The following PTPRD variants were observed in gnomAD, a reference collection of about 807,000 sequenced individuals.
PTPRD encodes protein tyrosine phosphatase receptor type D.
Under a neutral mutation model 214.5 loss-of-function variants are expected in PTPRD, and 34 were observed. The ratio of observed to expected loss-of-function variants is 0.16; its 90% CI spans 0.12 to 0.21. PTPRD has a LOEUF of 0.21. Ranked by LOEUF, PTPRD falls within the 10% of genes least tolerant of loss-of-function variation. The pLI, the probability that PTPRD is intolerant of heterozygous loss-of-function variation, is 1.00. For missense variants in PTPRD, 2,545 were observed against 2,398.7 expected (o/e 1.06, Z -1.27); for synonymous variants, 1,128 against 845.7 (o/e 1.33, Z -5.79).
chr9:9,608,124 T>C (rs1203415887), intron 7 of PTPRD, among the ~76,000 whole-genome samples: 9 of 152,196 alleles, frequency 5.9e-5, no homozygotes, highest in South Asian at 4.2e-4. Flanking sequence ...ATTTGAAAAA[T>C]AGAGGTAATA....
chr9:8,796,506 A>T (rs1266790928), intron 11 of PTPRD, among the ~76,000 whole-genome samples: 1 of 152,126 alleles, frequency 6.6e-6, no homozygotes, highest in Non-Finnish European at 1.5e-5. Flanking sequence ...AGTACTTGTG[A>T]CTATCAAGTA....
intron 37 of PTPRD, among the ~76,000 whole-genome samples, chr9:8,387,077 G>A (rs1184573994): frequency 6.6e-6 from 1 of 152,128 alleles, no homozygotes; most frequent in Non-Finnish European, 1.5e-5. Flanking sequence ...CTGGGTACAG[G>A]CTGAACCACC....
At chr9:8,525,116 A>ATTAT in intron 17 of PTPRD, 81 bp from the exon 18 acceptor site, 1 of 1,218,014 alleles carries the variant, frequency 8.2e-7, no homozygotes, top group Non-Finnish European at 1.2e-6. Context: ...TCTTAACAAT[A>ATTAT]TGAAAAGCCC....
At chr9:8,940,445 G>GCTTTT (rs2099025899) in intron 11 of PTPRD, among the ~76,000 whole-genome samples, 1 of 13,776 alleles carries the variant, frequency 7.3e-5, no homozygotes, top group South Asian at 5.6e-3. Flanking sequence ...ACCACTCCCA[G>GCTTTT]CTTTTTTTTT....
At chr9:9,303,772 T>C (rs1956245707) in intron 9 of PTPRD, among the ~76,000 whole-genome samples, 1 of 152,134 alleles carries the variant, frequency 6.6e-6, no homozygotes, top group African/African-American at 2.4e-5. Context: ...ATCACTTTCA[T>C]GGTCTCAGAT....
In PTPRD at chr9:10,290,342, C is replaced by A. The variant is rs532672909; in HGVS notation, c.-545+50621G>T. 5.9e-5 allele frequency among the ~76,000 whole-genome samples: 9 copies of A among 152,178 alleles called. No individual in the cohort carries two copies. In the East Asian group the frequency reaches 1.7e-3, roughly 29 times the overall value. ...ACAATCTTAAGCTGCTTCTTTTACT[C>A]TTTTTCATACTGCAACGATCTAAAG... is the stretch of plus-strand genomic sequence containing the variant. On this transcript the variant is annotated intron_variant, in intron 3 of 45. Transcript: ENST00000381196.
chr9:8,980,820 A>AG lies in PTPRD; in HGVS notation c.-104+37876_-104+37877insC, dbSNP rs1304196189. 5.6e-4 allele frequency among the ~76,000 whole-genome samples: 85 copies of AG among 152,236 alleles called. 1 individual carries two copies. The highest frequency in any genetic ancestry group is 1.9e-3 in the African/African-American group (81 of 41,570). ...GCCAATCCCTGGGGACTTACGGTGT[A>AG]CATTTATGAATCATGTAGGGCAAAG... On this transcript the variant is annotated intron_variant, in intron 11 of 45. Transcript: ENST00000381196.
intron 4 of PTPRD, among the ~76,000 whole-genome samples, chr9:9,988,011 A>G (rs1278730212): frequency 6.6e-6 from 1 of 152,158 alleles, no homozygotes. Flanking sequence ...TTCTTCTAAG[A>G]GATATCAATA....
At chr9:8,396,607 T>A (rs2091240688) in intron 36 of PTPRD, among the ~76,000 whole-genome samples, 1 of 152,162 alleles carries the variant, frequency 6.6e-6, no homozygotes, top group South Asian at 2.1e-4. Context: ...TCGATTAGCT[T>A]TCTGAGAACA....
intron 5 of PTPRD, among the ~76,000 whole-genome samples, chr9:9,836,448 C>T (rs915481116): frequency 3.9e-5 from 6 of 152,108 alleles, no homozygotes; most frequent in African/African-American, 1.4e-4. Flanking sequence ...TGCAAACCCT[C>T]AAAAATTTGA....
intron 3 of PTPRD, among the ~76,000 whole-genome samples, chr9:10,056,477 C>T (rs986916014): frequency 1.8e-4 from 27 of 151,656 alleles, no homozygotes; most frequent in African/African-American, 6.5e-4. Context: ...AGAAGTCAGT[C>T]TTTTTATTTT....
At chr9:9,081,756 T>C (rs1367153823) in intron 10 of PTPRD, among the ~76,000 whole-genome samples, 3 of 152,108 alleles carry the variant, frequency 2.0e-5, no homozygotes, top group African/African-American at 7.2e-5. Context: ...GTAGTGCCCT[T>C]CTTTGTCTTT....
At chr9:10,167,637 A>C (rs1304385193) in intron 3 of PTPRD, among the ~76,000 whole-genome samples, 1 of 152,190 alleles carries the variant, frequency 6.6e-6, no homozygotes, top group Non-Finnish European at 1.5e-5. Flanking sequence ...ATGATTTATG[A>C]AGTTTTCTGT....
rs552716739 is a variant in PTPRD, at chr9:8,898,845, A to G, written c.-104+119852T>C. 1.5e-3 allele frequency among the ~76,000 whole-genome samples: 231 copies of G among 152,324 alleles called. 1 individual carries two copies. Among genetic ancestry groups the G allele is most frequent in the African/African-American group, 5.2e-3 (218 of 41,576 alleles). The stretch of plus-strand genomic sequence containing the variant: ...CATATTAAGTAGGGGAAATAAAGTG[A>G]TAGATTTTATTTTTTAACAAGACAT... On this transcript the variant is annotated intron_variant, in intron 11 of 45. Transcript: ENST00000381196.
chr9:9,662,470 G>C (rs1357896005), intron 7 of PTPRD, among the ~76,000 whole-genome samples: 1 of 151,632 alleles, frequency 6.6e-6, no homozygotes, highest in South Asian at 2.1e-4. Flanking sequence ...ATAATGTATA[G>C]AGAAAACCAT....
At chr9:9,926,921 T>C (rs2084527665) in intron 5 of PTPRD, among the ~76,000 whole-genome samples, 1 of 152,158 alleles carries the variant, frequency 6.6e-6, no homozygotes, top group Admixed American at 6.5e-5. Context: ...CACACCAAGA[T>C]TAGTTTTAAT....
intron 2 of PTPRD, among the ~76,000 whole-genome samples, chr9:10,455,140 G>C (rs1394108364): frequency 6.6e-6 from 1 of 151,666 alleles, no homozygotes; most frequent in Non-Finnish European, 1.5e-5. Flanking sequence ...GCTTATCAAT[G>C]ATCTTCTTGA....
At chr9:8,621,270 GACACAGGAAGCGTGGT>G (rs1281561604) in intron 14 of PTPRD, among the ~76,000 whole-genome samples, 12 of 151,904 alleles carry the variant, frequency 7.9e-5, no homozygotes, top group Admixed American at 7.9e-4. Context: ...CTCACTGGAG[GACACAGGAAGCGTGGT>G]CCCTGAGCTT....
At chr9:10,020,504 C>T (rs1221465872) in intron 4 of PTPRD, among the ~76,000 whole-genome samples, 5 of 119,600 alleles carry the variant, frequency 4.2e-5, no homozygotes, top group Non-Finnish European at 6.9e-5. Context: ...GGTTTCACCA[C>T]GTTGCCCAGG....
Sources: allele counts gnomAD v4.1 joint callset (sites outside exome capture counted in the v4.1 genomes callset), GRCh38; gene constraint gnomAD v4.1.1; transcripts MANE v1.5; gene names NCBI Gene and HGNC (gene_info 2026-07-23, HGNC 2026-07-21).